Variants in MMP16 observed in about 807,000 individuals in gnomAD.
MMP16 encodes matrix metalloproteinase-16.
In MMP16, 12 loss-of-function variants were observed where a neutral mutation model predicts 67.8. The observed-to-expected ratio is 0.18, with a 90% CI of 0.11 to 0.29. MMP16 has a LOEUF of 0.29. MMP16 is among the 10% of genes least tolerant of loss of function. MMP16 has a pLI of 1.00. For synonymous variants in MMP16, 249 were observed against 255.9 expected (o/e 0.97, Z 0.26); for missense variants, 475 against 765.7 (o/e 0.62, Z 4.48).
intron 2 of MMP16, among the ~76,000 whole-genome samples, chr8:88,189,314 T>C (rs995463640): frequency 1.3e-5 from 2 of 152,128 alleles, no homozygotes; most frequent in African/African-American, 4.8e-5. Context: ...TCTAATGTTA[T>C]ATGTAATACA....
intron 1 of MMP16, among the ~76,000 whole-genome samples, chr8:88,286,242 A>G (rs1204216666): frequency 6.6e-6 from 1 of 152,088 alleles, no homozygotes; most frequent in Non-Finnish European, 1.5e-5. Context: ...ACACAAAGCC[A>G]TTCAGTGTAA....
intron 1 of MMP16, among the ~76,000 whole-genome samples, chr8:88,265,737 A>T (rs1248939169): frequency 6.6e-6 from 1 of 152,176 alleles, no homozygotes; most frequent in East Asian, 1.9e-4. Context: ...ACTATAGGAA[A>T]ATTTATGCTT....
chr8:88,056,349 T>C, intron 7 of MMP16, 71 bp from the exon 8 acceptor site: 1 of 657,920 alleles, frequency 1.5e-6, no homozygotes, highest in Non-Finnish European at 2.1e-6. Flanking sequence ...TATTAACACA[T>C]TTAAAATTAT....
chr8:88,322,062 G>A (rs1424645630), intron 1 of MMP16, among the ~76,000 whole-genome samples: 1 of 151,872 alleles, frequency 6.6e-6, no homozygotes, highest in Admixed American at 6.6e-5. Context: ...AAACTTTTTT[G>A]TTGTTGTTCA....
At chr8:88,083,786 C>T (rs866201120) in intron 6 of MMP16, among the ~76,000 whole-genome samples, 21 of 151,890 alleles carry the variant, frequency 1.4e-4, no homozygotes, top group Non-Finnish European at 8.8e-5. Flanking sequence ...TTTGCAACTC[C>T]CAATTAAATA....
chr8:88,264,181 C>T (rs749668873), intron 1 of MMP16, among the ~76,000 whole-genome samples: 7 of 151,690 alleles, frequency 4.6e-5, no homozygotes, highest in Non-Finnish European at 7.4e-5. Context: ...TGTGCGTGCA[C>T]GTGCACACAT....
chr8:88,145,307 T>A (rs1245369506), intron 4 of MMP16, among the ~76,000 whole-genome samples: 1 of 152,062 alleles, frequency 6.6e-6, no homozygotes, highest in Non-Finnish European at 1.5e-5. Context: ...CAATTATAAA[T>A]ATTTGTGTAT....
At chr8:88,170,651 G>GA (rs548080814) in intron 3 of MMP16, among the ~76,000 whole-genome samples, 7 of 151,704 alleles carry the variant, frequency 4.6e-5, no homozygotes, top group South Asian at 2.1e-4. Context: ...ATAATAAACA[G>GA]AAAAAAAAGA....
At chr8:88,291,959 C>A (rs1810931633) in intron 1 of MMP16, among the ~76,000 whole-genome samples, 1 of 152,052 alleles carries the variant, frequency 6.6e-6, no homozygotes, top group Admixed American at 6.6e-5. Flanking sequence ...CACATGAGAA[C>A]ACTGAGACAC....
rs372008224 is a variant in MMP16 at position 88,116,766 on chromosome 8, G to A, written c.872-48C>T. ...GCTTGGCTCACTTAAAACTGGAATA[G>A]AGCTGGAAAATATGCTACAGAGAAC... On this transcript the variant is annotated intron_variant, in intron 5 of 9. Coordinates refer to ENST00000286614, the MANE Select transcript of MMP16 (RefSeq NM_005941.5). 29 of 1,523,430 alleles carry A rather than the reference G, an allele frequency of 1.9e-5. No homozygotes were observed. In the African/African-American group the frequency reaches 3.8e-4, roughly 20 times the overall value. 94.4% of individuals were successfully genotyped at this position (1,523,430 alleles called of 1,614,324 possible).
At chr8:88,229,869 G>A (rs547189313) in intron 1 of MMP16, among the ~76,000 whole-genome samples, 3 of 152,118 alleles carry the variant, frequency 2.0e-5, no homozygotes, top group Admixed American at 6.6e-5. Flanking sequence ...ATTGAGACAC[G>A]GGATGGAGAA....
At chr8:88,093,976 AT>A (rs1311343866) in intron 6 of MMP16, among the ~76,000 whole-genome samples, 5 of 151,874 alleles carry the variant, frequency 3.3e-5, no homozygotes, top group African/African-American at 1.2e-4. Flanking sequence ...CCCACATTGA[AT>A]TCTCACATTA....
intron 2 of MMP16, among the ~76,000 whole-genome samples, chr8:88,188,449 G>T (rs1809113588): frequency 6.6e-6 from 1 of 152,024 alleles, no homozygotes; most frequent in South Asian, 2.1e-4. Context: ...AGCAATCTGT[G>T]AAAAAAACCT....
intron 1 of MMP16, among the ~76,000 whole-genome samples, chr8:88,310,787 A>T (rs943480081): frequency 3.3e-5 from 5 of 152,146 alleles, no homozygotes; most frequent in African/African-American, 1.2e-4. Flanking sequence ...GCAAGAAGAG[A>T]GAAAAAAAGT....
At chr8:88,210,940 AAGC>A (rs1357305453) in intron 1 of MMP16, among the ~76,000 whole-genome samples, 2 of 152,134 alleles carry the variant, frequency 1.3e-5, no homozygotes, top group Non-Finnish European at 2.9e-5. Flanking sequence ...TTATCACAAC[AAGC>A]CTATGAGATT....
chr8:88,069,558 T>A (rs773904490), intron 7 of MMP16: 1 of 478,066 alleles, frequency 2.1e-6, no homozygotes, highest in Non-Finnish European at 4.1e-6. Flanking sequence ...TCCAGTATGA[T>A]GAAGAAAGTA....
At chr8:88,230,998 T>C (rs1676988391) in intron 1 of MMP16, among the ~76,000 whole-genome samples, 2 of 152,128 alleles carry the variant, frequency 1.3e-5, no homozygotes, top group Admixed American at 6.6e-5. Context: ...AGTATTCTTA[T>C]TGGTAAAATA....
At chr8:88,238,004 T>TC (rs1476845206) in intron 1 of MMP16, among the ~76,000 whole-genome samples, 1 of 152,168 alleles carries the variant, frequency 6.6e-6, no homozygotes, top group Non-Finnish European at 1.5e-5. Context: ...AACATGTACT[T>TC]CCTCCAGCCT....
chr8:88,316,199 C>G (rs1013816897), intron 1 of MMP16, among the ~76,000 whole-genome samples: 11 of 152,298 alleles, frequency 7.2e-5, no homozygotes, highest in African/African-American at 2.4e-4. Context: ...GATGAAGAAA[C>G]TGCAGCAAGT....
Sources: gnomAD v4.1 joint callset for allele counts (sites outside exome capture counted in the v4.1 genomes callset) on GRCh38, gnomAD v4.1.1 for gene constraint, MANE v1.5 for transcripts, NCBI Gene and HGNC (gene_info 2026-07-23, HGNC 2026-07-21) for gene names.